POU2F2: variants seen among roughly 807,000 people sequenced by gnomAD.
POU2F2 encodes POU domain, class 2, transcription factor 2.
In POU2F2, 14 loss-of-function variants were observed where a neutral mutation model predicts 63.5. The observed-to-expected ratio is 0.22, with a 90% CI of 0.15 to 0.34. The LOEUF (loss-of-function observed/expected upper bound fraction) is 0.34, where lower values mean the gene tolerates loss of function less well. Among genes scored for constraint, POU2F2 ranks in the 10% least tolerant of loss-of-function variants. POU2F2 has a pLI of 1.00. For synonymous variants in POU2F2, 306 were observed against 348.6 expected (o/e 0.88, Z 1.36); for missense variants, 607 against 815.2 (o/e 0.74, Z 3.11).
intron 12 of POU2F2, among the ~76,000 whole-genome samples, chr19:42,093,002 TATATA>T (rs1328934718): frequency 7.3e-5 from 7 of 96,088 alleles, no homozygotes; most frequent in African/African-American, 2.6e-4. Flanking sequence ...TATATATATA[TATATA>T]TATTTTTTTT....
intron 4 of POU2F2, among the ~76,000 whole-genome samples, chr19:42,121,864 C>T (rs1036952599): frequency 1.3e-5 from 2 of 152,116 alleles, no homozygotes; most frequent in African/African-American, 4.8e-5. Context: ...GGGATGGGGG[C>T]GGGCCTTTGG....
chr19:42,109,708 T>C (rs1353343508), intron 5 of POU2F2, among the ~76,000 whole-genome samples: 1 of 152,210 alleles, frequency 6.6e-6, no homozygotes, highest in Non-Finnish European at 1.5e-5. Context: ...TGCGTGATTA[T>C]AGCTCACTGC....
intron 5 of POU2F2, among the ~76,000 whole-genome samples, chr19:42,111,250 T>C (rs1315290211): frequency 6.6e-6 from 1 of 151,984 alleles, no homozygotes; most frequent in Non-Finnish European, 1.5e-5. Context: ...CTCAAGTAGC[T>C]TGGGGGCTAT....
At position 42,122,383 on chromosome 19, in the gene POU2F2, A is replaced by G. The variant is rs2032739597; in HGVS notation, c.95-5T>C. On this transcript the variant is annotated splice_polypyrimidine_tract_variant and splice_region_variant and intron_variant, in intron 2 of 14. Coordinates refer to ENST00000692977, the MANE Select transcript of POU2F2 (RefSeq NM_001394376.1). The stretch of plus-strand genomic sequence containing the variant: ...CTGGTCCATTTCTTTCGGTGTCTGC[A>G]AAGAGAGGGAAAGGATGTGTTGTCA... 4.1e-5 allele frequency: 66 copies of G among 1,603,750 alleles called. No homozygotes were observed. The highest frequency in any genetic ancestry group is 5.5e-5 in the Non-Finnish European group (65 of 1,177,344).
intron 12 of POU2F2, 26 bp downstream of exon 12, chr19:42,093,803 C>G: frequency 6.3e-7 from 1 of 1,594,368 alleles, no homozygotes; most frequent in Non-Finnish European, 8.6e-7. Flanking sequence ...CCCAGTCCCC[C>G]CTCACCATTT....
intron 5 of POU2F2, among the ~76,000 whole-genome samples, chr19:42,106,043 C>CTTTCTTTCTT (rs2029886298): frequency 7.5e-6 from 1 of 132,714 alleles, no homozygotes; most frequent in Non-Finnish European, 1.6e-5. Context: ...TTCTTTCTTT[C>CTTTCTTTCTT]TTTCTTTCTT....
At chr19:42,179,555 G>A (rs559890780), upstream of POU2F2, among the ~76,000 whole-genome samples, 191 of 152,150 alleles carry the variant, frequency 1.3e-3, 1 homozygote, top group African/African-American at 4.4e-3. Flanking sequence ...AGGAGGAGGA[G>A]GAGGACGCAG....
At position 42,095,055 on chromosome 19, in the gene POU2F2, G is replaced by A. The variant is rs1304405035; in HGVS notation, c.1197+231C>T. ...GTGGCTATGGCACTGTGATAACTCT[G>A]TGTCTGGCTATGTCGGTGTGTATCT... is the stretch of plus-strand genomic sequence containing the variant. On this transcript the variant is annotated intron_variant, in intron 11 of 14. Coordinates refer to ENST00000692977, the MANE Select transcript of POU2F2 (RefSeq NM_001394376.1). This position sits in a 1 kb window ranked among gnomAD's most constrained non-coding sequence, Gnocchi z 7.1. Among the ~76,000 whole-genome samples the A allele has an allele frequency of 6.6e-6, 1 of 152,194 alleles. No homozygotes were observed. Among genetic ancestry groups the A allele is most frequent in the Non-Finnish European group, 1.5e-5 (1 of 68,030 alleles).
chr19:42,091,372 C>A lies in POU2F2; in HGVS notation c.1760G>T (p.Gly587Val), dbSNP rs1272742531. 1 of 1,540,390 alleles carries A rather than the reference C, an allele frequency of 6.5e-7. No homozygotes were observed. Reference sequence around the variant, plus strand: ...GGATGAAGAGGATGAGGAGGAGAGGCCAGGAGACTTGCTGGAGATGGAGGC... The same window carrying A: ...GGATGAAGAGGATGAGGAGGAGAGGACAGGAGACTTGCTGGAGATGGAGGC... ...VAASISSKSPGLSSSSSSSSS... is the reference protein window; with the variant it reads ...VAASISSKSPVLSSSSSSSSS... Residue 587 changes from glycine (G) to valine (V), a missense_variant, in exon 15 of 15, where the codon GGC becomes GTC. Around this residue, in one of 7 missense-constraint regions of POU2F2, gnomAD observed 270 missense variants for 307.5 expected, o/e 0.88. Coordinates refer to ENST00000692977, the MANE Select transcript of POU2F2 (RefSeq NM_001394376.1).
chr19:42,193,895 T>A (rs764073026), intron 1 of POU2F2, among the ~76,000 whole-genome samples: 15 of 152,254 alleles, frequency 9.9e-5, no homozygotes, highest in Non-Finnish European at 1.6e-4. Flanking sequence ...GAACTCATTG[T>A]GTATATTCAT....
chr19:42,186,851 G>A (rs928425585), intron 1 of POU2F2, among the ~76,000 whole-genome samples: 1 of 152,082 alleles, frequency 6.6e-6, no homozygotes, highest in African/African-American at 2.4e-5. Flanking sequence ...GATGGATGGA[G>A]GTGACATTCA....
chr19:42,187,326 G>A (rs1296493677), intron 1 of POU2F2, among the ~76,000 whole-genome samples: 8 of 151,728 alleles, frequency 5.3e-5, no homozygotes, highest in Non-Finnish European at 5.9e-5. Context: ...TTAGTCGGGC[G>A]TGGTGGAGGG....
chr19:42,136,102 C>G (rs770433522), upstream of POU2F2, among the ~76,000 whole-genome samples: 8 of 152,100 alleles, frequency 5.3e-5, no homozygotes, highest in Non-Finnish European at 1.2e-4. Context: ...TTAGGAGTAT[C>G]CAGCATTCAG....
chr19:42,194,895 G>A (rs952654691), intron 1 of POU2F2, among the ~76,000 whole-genome samples: 2 of 128,216 alleles, frequency 1.6e-5, no homozygotes, highest in African/African-American at 6.1e-5. Flanking sequence ...AAGGAAGAAA[G>A]GGAGGGAGGG....
chr19:42,094,036 C>T (rs2076831937), intron 11 of POU2F2, 141 bp from the exon 12 acceptor site: 7 of 638,872 alleles, frequency 1.1e-5, no homozygotes, highest in South Asian at 2.2e-5. Context: ...ATTCCACATG[C>T]TTTCTTCACA....
At chr19:42,154,981 C>T (rs2034430082) in intron 2 of POU2F2, among the ~76,000 whole-genome samples, 1 of 152,154 alleles carries the variant, frequency 6.6e-6, no homozygotes, top group South Asian at 2.1e-4. Flanking sequence ...CCTTACCACA[C>T]ACCGCCACCT....
Position 42,117,381 on chromosome 19 carries a change from G to C in POU2F2, c.238C>G (p.Leu80Val). The C allele has an allele frequency of 6.6e-7, 1 of 1,506,224 alleles. No individual in the cohort carries two copies. Among genetic ancestry groups the C allele is most frequent in the Admixed American group, 2.4e-5 (1 of 42,264 alleles). 93.3% of individuals were successfully genotyped at this position (1,506,224 alleles called of 1,614,324 possible). The stretch of plus-strand genomic sequence containing the variant: ...TCAGCCTTGATCTGGGGGGGAGAGA[G>C]GCAGGGTCCGGGACCCCAGAATGTT... Reference protein sequence around the residue: ...HLTFWGPGPCLSPPQIKAEDP... With the variant: ...HLTFWGPGPCVSPPQIKAEDP... Residue 80 changes from leucine (L) to valine (V), a missense_variant, in exon 5 of 15, where the codon CTC becomes GTC. Transcript: ENST00000692977. This position sits in a 1 kb window ranked among gnomAD's most constrained non-coding sequence, Gnocchi z 4.4.
chr19:42,166,892 T>C (rs2034663125), intron 1 of POU2F2, among the ~76,000 whole-genome samples: 4 of 152,028 alleles, frequency 2.6e-5, no homozygotes, highest in African/African-American at 7.3e-5. Context: ...CACCATTATA[T>C]TGGGCAAGCA....
chr19:42,131,259 C>T lies in POU2F2; in HGVS notation c.28+1125G>A, dbSNP rs112044534. On this transcript the variant is annotated intron_variant, in intron 1 of 14. Transcript: ENST00000692977. The stretch of plus-strand genomic sequence containing the variant: ...TGACAGGTCTGTCTTCTCCAATAAA[C>T]TGGGAGCTCCAGGAGGACAGACCTG... Among the ~76,000 whole-genome samples, 365 of 152,086 alleles carry T rather than the reference C, an allele frequency of 2.4e-3. 4 individuals are homozygous for T. The highest frequency in any genetic ancestry group is 8.3e-3 in the African/African-American group (343 of 41,462).
Sources: allele counts gnomAD v4.1 joint callset (sites outside exome capture counted in the v4.1 genomes callset), GRCh38; gene constraint gnomAD v4.1.1; regional missense constraint gnomAD v4.1.1; non-coding constraint Gnocchi (gnomAD v3.1); transcripts MANE v1.5; gene names NCBI Gene and HGNC (gene_info 2026-07-23, HGNC 2026-07-21).